Variants in TRDN observed in about 807,000 individuals in gnomAD.
TRDN encodes triadin.
TRDN carries 161 observed loss-of-function variants against 149.7 expected under a neutral mutation model. That is an observed-to-expected ratio of 1.08 (90% CI 0.95 to 1.23). The LOEUF (loss-of-function observed/expected upper bound fraction) is 1.23, where lower values mean the gene tolerates loss of function less well. Ranked by LOEUF, TRDN falls within the 50% of genes most tolerant of loss-of-function variation. TRDN has a pLI of 0.00. For synonymous variants in TRDN, 294 were observed against 250.5 expected (o/e 1.17, Z -1.64); for missense variants, 896 against 823.5 (o/e 1.09, Z -1.08).
intron 27 of TRDN, among the ~76,000 whole-genome samples, chr6:123,273,671 A>C (rs1270118070): frequency 6.6e-6 from 1 of 152,102 alleles, no homozygotes; most frequent in Admixed American, 6.6e-5. Context: ...CACAAGAGCA[A>C]CTATATTCAA....
intron 24 of TRDN, among the ~76,000 whole-genome samples, chr6:123,301,389 TG>T (rs1458153222): frequency 6.6e-6 from 1 of 151,928 alleles, no homozygotes; most frequent in Non-Finnish European, 1.5e-5. Flanking sequence ...GTAAGGTCAT[TG>T]ATAAGTTGAA....
In TRDN at chr6:123,453,318, C is replaced by A. The variant is rs543103540; in HGVS notation, c.931+11588G>T. 1.1e-4 allele frequency among the ~76,000 whole-genome samples: 17 copies of A among 152,270 alleles called. 1 individual carries two copies. The highest frequency in any genetic ancestry group is 3.4e-3 in the Middle Eastern group (1 of 294). ...AGGAACAGTTGGCAGAGTAAACAGA[C>A]AACCCACAGAGTGGGAGAAAATCTT... On this transcript the variant is annotated intron_variant, in intron 10 of 40. Coordinates refer to ENST00000334268, the MANE Select transcript of TRDN (RefSeq NM_006073.4).
intron 9 of TRDN, among the ~76,000 whole-genome samples, chr6:123,474,183 G>A (rs1477450147): frequency 1.3e-5 from 2 of 152,024 alleles, no homozygotes; most frequent in Non-Finnish European, 2.9e-5. Flanking sequence ...TCAGTGTGCT[G>A]TATTCAGGAA....
intron 2 of TRDN, among the ~76,000 whole-genome samples, chr6:123,559,944 C>T (rs1781890595): frequency 6.6e-6 from 1 of 152,180 alleles, no homozygotes; most frequent in Non-Finnish European, 1.5e-5. Flanking sequence ...TAGACTGACC[C>T]TGACACCCAT....
At chr6:123,381,150 T>C (rs746763438) in intron 16 of TRDN, among the ~76,000 whole-genome samples, 8 of 152,066 alleles carry the variant, frequency 5.3e-5, no homozygotes, top group Non-Finnish European at 1.0e-4. Flanking sequence ...TGTTAGATGA[T>C]TGCATGAGCT....
At chr6:123,297,846 C>T (rs574318470) in intron 24 of TRDN, among the ~76,000 whole-genome samples, 1 of 151,924 alleles carries the variant, frequency 6.6e-6, no homozygotes, top group Non-Finnish European at 1.5e-5. Context: ...AGTGGATATA[C>T]CTCAGGAAAT....
At chr6:123,547,417 C>G in intron 3 of TRDN, 45 bp from the exon 4 acceptor site, 1 of 1,179,762 alleles carries the variant, frequency 8.5e-7, no homozygotes, top group Non-Finnish European at 1.2e-6. Flanking sequence ...AATATTTTAG[C>G]ATAGAATAAT....
intron 12 of TRDN, among the ~76,000 whole-genome samples, chr6:123,404,271 A>C (rs1773101700): frequency 6.6e-6 from 1 of 152,200 alleles, no homozygotes; most frequent in Non-Finnish European, 1.5e-5. Flanking sequence ...CTAATATATA[A>C]AAATATTCAT....
At chr6:123,433,182 T>TATATATATACAC (rs1562310492) in intron 12 of TRDN, among the ~76,000 whole-genome samples, 5 of 143,332 alleles carry the variant, frequency 3.5e-5, no homozygotes, top group African/African-American at 1.3e-4. Flanking sequence ...TATATATATA[T>TATATATATACAC]ACATCACACA....
rs112760400 is a variant in TRDN, at chr6:123,258,845, C to A, written c.1870+779G>T. Among the ~76,000 whole-genome samples, 5 of 152,238 alleles carry A rather than the reference C, an allele frequency of 3.3e-5. No homozygotes were observed. The East Asian group carries it at 9.7e-4, about 29-fold the overall frequency. On this transcript the variant is annotated intron_variant, in intron 35 of 40. Transcript: ENST00000334268. ...GTTATTGGTCTAGTCAGGGATTCAA[C>A]TTCTTCTGGTTCAGTCTTGGGAGGG...
chr6:123,599,319 C>T (rs796117886), intron 1 of TRDN, among the ~76,000 whole-genome samples: 20 of 150,254 alleles, frequency 1.3e-4, no homozygotes, highest in African/African-American at 5.0e-4. Flanking sequence ...AATATAAGCC[C>T]TGGAGGCTTA....
intron 2 of TRDN, among the ~76,000 whole-genome samples, chr6:123,563,082 T>A (rs1782086990): frequency 6.6e-6 from 1 of 152,228 alleles, no homozygotes; most frequent in African/African-American, 2.4e-5. Flanking sequence ...AACACAAACA[T>A]CCCTACTTAC....
chr6:123,376,942 C>G (rs1476009852), intron 18 of TRDN, among the ~76,000 whole-genome samples: 1 of 152,006 alleles, frequency 6.6e-6, no homozygotes, highest in African/African-American at 2.4e-5. Flanking sequence ...TAGGAGTTAG[C>G]CAGGCAAAAT....
intron 1 of TRDN, among the ~76,000 whole-genome samples, chr6:123,599,224 A>G (rs1784170846): frequency 6.6e-6 from 1 of 152,070 alleles, no homozygotes; most frequent in African/African-American, 2.4e-5. Context: ...CTATCCATTT[A>G]TTCTTTGCTC....
intron 4 of TRDN, among the ~76,000 whole-genome samples, chr6:123,537,784 C>G (rs759202934): frequency 3.3e-5 from 5 of 152,184 alleles, no homozygotes; most frequent in Non-Finnish European, 5.9e-5. Flanking sequence ...TAGATTGTAT[C>G]AGTGATTCCT....
intron 12 of TRDN, among the ~76,000 whole-genome samples, chr6:123,415,421 T>C (rs1031754880): frequency 6.6e-6 from 1 of 152,164 alleles, no homozygotes; most frequent in African/African-American, 2.4e-5. Context: ...TTAGAGTCTT[T>C]CCAGAGAAGG....
intron 12 of TRDN, among the ~76,000 whole-genome samples, chr6:123,431,643 G>A (rs1160443103): frequency 6.6e-6 from 1 of 152,082 alleles, no homozygotes; most frequent in African/African-American, 2.4e-5. Flanking sequence ...ATGGAAGGAT[G>A]TTCTTTTAAA....
At position 123,285,465 on chromosome 6, in the gene TRDN, G is replaced by C. The variant is rs543029416; in HGVS notation, c.1511-6383C>G. Among the ~76,000 whole-genome samples the C allele has an allele frequency of 3.7e-4, 56 of 152,048 alleles. 1 individual carries two copies. The highest frequency in any genetic ancestry group is 6.2e-4 in the South Asian group (3 of 4,832). On this transcript the variant is annotated intron_variant, in intron 24 of 40. Coordinates refer to ENST00000334268, the MANE Select transcript of TRDN (RefSeq NM_006073.4). ...GACACCCTATTCAACAAATGGTGCT[G>C]GGACAATTGGCAAGCCACATGTAGG...
intron 22 of TRDN, among the ~76,000 whole-genome samples, chr6:123,337,167 A>G (rs1432455453): frequency 2.6e-5 from 4 of 152,080 alleles, no homozygotes; most frequent in Non-Finnish European, 5.9e-5. Flanking sequence ...GCAGAGTTCT[A>G]ATTACCAAAT....
Sources: gnomAD v4.1 joint callset for allele counts (sites outside exome capture counted in the v4.1 genomes callset) on GRCh38, gnomAD v4.1.1 for gene constraint, MANE v1.5 for transcripts, NCBI Gene and HGNC (gene_info 2026-07-23, HGNC 2026-07-21) for gene names.